Variants in EME1 observed in about 807,000 individuals in gnomAD.
The protein encoded by EME1 is structure-specific endonuclease subunit EME1.
A neutral mutation model predicts 59.1 loss-of-function variants in EME1; 61 were observed. That is an observed-to-expected ratio of 1.03 (90% CI 0.84 to 1.28). EME1 has a LOEUF of 1.28. Among genes scored for constraint, EME1 ranks in the 50% most tolerant of loss-of-function variants. The probability of loss-of-function intolerance (pLI) is 0.00; values close to 1 mark genes in which losing one functional copy is unlikely to be tolerated. For missense variants in EME1, 635 were observed against 682.6 expected (o/e 0.93, Z 0.78); for synonymous variants, 230 against 254.2 (o/e 0.90, Z 0.90).
chr17:50,376,700 G>GAAA (rs1287287076), intron 3 of EME1, among the ~76,000 whole-genome samples: 1 of 152,222 alleles, frequency 6.6e-6, no homozygotes, highest in African/African-American at 2.4e-5. Context: ...TCAGGAGAGA[G>GAAA]AAATGGAGAG....
Position 50,374,604 on chromosome 17 carries a change from C to CTG in EME1, c.-24-581_-24-580insTG, listed in dbSNP as rs964022961. Among the ~76,000 whole-genome samples the CTG allele has an allele frequency of 6.6e-5, 10 of 152,220 alleles. 1 individual carries two copies. The highest frequency in any genetic ancestry group is 2.2e-4 in the African/African-American group (9 of 41,548). Reference sequence around the variant, plus strand: ...CAGTGGTTCACACCTGTAATCTCAGCACTTTGGGAGGCCAAGGCGGGCGGA... The same window carrying CTG: ...CAGTGGTTCACACCTGTAATCTCAGCTGACTTTGGGAGGCCAAGGCGGGCGGA... On this transcript the variant is annotated intron_variant, in intron 1 of 8. Coordinates refer to ENST00000338165, the MANE Select transcript of EME1 (RefSeq NM_152463.4).
intron 3 of EME1, among the ~76,000 whole-genome samples, chr17:50,378,217 C>T (rs1913573683): frequency 6.6e-6 from 1 of 151,936 alleles, no homozygotes; most frequent in South Asian, 2.1e-4. Flanking sequence ...CAGGCACGTA[C>T]CGCCACACCC....
rs746936742 is a variant in EME1 at position 50,375,532 on chromosome 17, G to C, written c.324G>C (p.Lys108Asn). The C allele has an allele frequency of 5.0e-6, 8 of 1,613,730 alleles. No homozygotes were observed. The Admixed American group carries it at 1.0e-4, about 20-fold the overall frequency. The change falls in exon 2 of 9, where the codon AAG becomes AAC. Residue 108 changes from lysine (K) to asparagine (N), a missense_variant. By Grantham distance (94) the Lys-to-Asn change is moderately conservative. Coordinates refer to ENST00000338165, the MANE Select transcript of EME1 (RefSeq NM_152463.4). ...QRLTCKFLTH[K>N]QLSPEDSSSP... ...TTACATGTAAGTTTCTGACCCACAA[G>C]CAACTGAGCCCTGAGGACTCTAGCT...
chr17:50,375,799 G>A lies in EME1; in HGVS notation c.591G>A (p.Lys197=), dbSNP rs1352421001. The A allele has an allele frequency of 1.9e-6, 3 of 1,614,136 alleles. No homozygotes were observed. The South Asian group carries it at 3.3e-5, about 18-fold the overall frequency. ...ATTCTGACATCCTTCCACCCCAGAA[G>A]AAAACCAAGCCGAGTCAGAAGGTCC... is the stretch of plus-strand genomic sequence containing the variant. The part of the protein sequence containing the change: ...KTNSDILPPQ[K]KTKPSQKVQG... Residue 197 remains lysine, a synonymous_variant, in exon 2 of 9, where the codon AAG becomes AAA. Transcript: ENST00000338165.
chr17:50,377,089 A>G (rs1379312975), intron 3 of EME1, among the ~76,000 whole-genome samples: 2 of 152,168 alleles, frequency 1.3e-5, no homozygotes, highest in East Asian at 3.9e-4. Context: ...ATCTTGTATA[A>G]AATAAGAAAA....
rs186932275 is a variant in EME1 at position 50,373,260 on chromosome 17, T to G, written c.-42T>G. The G allele has an allele frequency of 2.2e-4, 340 of 1,577,322 alleles. 2 individuals are homozygous for G. In the African/African-American group the frequency reaches 3.8e-3, roughly 18 times the overall value. ...GGGCCCTGCGTGGCAGTTGAAAGAG[T>G]GGCGGGAGAAGTTGCAGGTGAGCGT... On this transcript the variant is annotated 5_prime_UTR_variant, in exon 1 of 9. Coordinates refer to ENST00000338165, the MANE Select transcript of EME1 (RefSeq NM_152463.4).
At chr17:50,379,247 A>T (rs1913652139) in intron 6 of EME1, 23 bp downstream of exon 6, 1 of 1,613,572 alleles carries the variant, frequency 6.2e-7, no homozygotes, top group South Asian at 1.1e-5. Context: ...TGTTGCCTGA[A>T]TCGGGCTGGG....
intron 3 of EME1, 86 bp from the exon 4 acceptor site, chr17:50,378,509 T>C: frequency 7.6e-7 from 1 of 1,307,604 alleles, no homozygotes; most frequent in South Asian, 1.2e-5. Flanking sequence ...AGTTAGTTCA[T>C]TCACCCAGAA....
rs144666368 is a variant in EME1 at position 50,375,811 on chromosome 17, G to C, written c.603G>C (p.Pro201=). 6.2e-7 allele frequency: 1 copy of C among 1,614,040 alleles called. No homozygotes were observed. Among genetic ancestry groups the C allele is most frequent in the Non-Finnish European group, 8.5e-7 (1 of 1,180,028 alleles). Residue 201 remains proline, a synonymous_variant, in exon 2 of 9, where the codon CCG becomes CCC. Transcript: ENST00000338165. The stretch of plus-strand genomic sequence containing the variant: ...TTCCACCCCAGAAGAAAACCAAGCC[G>C]AGTCAGAAGGTCCAGGGAAGAGGCT... ...DILPPQKKTK[P]SQKVQGRGSH... is the part of the protein sequence containing the mutation.
At chr17:50,376,834 C>T (rs1706392855) in intron 3 of EME1, among the ~76,000 whole-genome samples, 1 of 152,224 alleles carries the variant, frequency 6.6e-6, no homozygotes, top group African/African-American at 2.4e-5. Flanking sequence ...CACTAGTCCT[C>T]TCCTCGGGTC....
In EME1 at chr17:50,375,949, A is replaced by G; in HGVS notation, c.741A>G (p.Glu247=). The G allele has an allele frequency of 1.2e-6, 2 of 1,610,516 alleles. No homozygotes were observed. The highest frequency in any genetic ancestry group is 1.7e-6 in the Non-Finnish European group (2 of 1,178,204). ...GGATGAAAGCCCAGAGGCCAGAGGA[A>G]TGCTTAAAACACATCATTGTAGTGC... ...VTRMKAQRPE[E]CLKHIIVVLD... is the part of the protein sequence containing the mutation. Residue 247 remains glutamate (E), a synonymous_variant, in exon 2 of 9, where the codon GAA becomes GAG. Transcript: ENST00000338165.
chr17:50,376,187 G>A lies in EME1; in HGVS notation c.897G>A (p.Pro299=), dbSNP rs200170166. The A allele has an allele frequency of 9.5e-5, 154 of 1,612,730 alleles. No individual in the cohort carries two copies. The East Asian group carries it at 1.5e-3, about 16-fold the overall frequency. The change falls in exon 3 of 9, where the codon CCG becomes CCA. Residue 299 remains proline (P), a synonymous_variant. Coordinates refer to ENST00000338165, the MANE Select transcript of EME1 (RefSeq NM_152463.4). ...CSVTWRRRAG[P]SEDREDWVEE... ...TCACTTGGAGGAGAAGGGCTGGGCC[G>A]TCTGAGGTAGGAGTTTTCTGGCTGA...
rs1216736774 is a variant in EME1, at chr17:50,375,534, A to T, written c.326A>T (p.Gln109Leu). 5.0e-6 allele frequency: 8 copies of T among 1,614,000 alleles called. No individual in the cohort carries two copies. In the Admixed American group the frequency reaches 1.3e-4, roughly 27 times the overall value. The change falls in exon 2 of 9, where the codon CAA becomes CTA. Residue 109 changes from glutamine (Q) to leucine (L), a missense_variant. By Grantham distance (113) the Gln-to-Leu change is moderately radical. Transcript: ENST00000338165. ...ACATGTAAGTTTCTGACCCACAAGC[A>T]ACTGAGCCCTGAGGACTCTAGCTCC... ...RLTCKFLTHK[Q>L]LSPEDSSSPV...
chr17:50,380,676 C>T lies in EME1; in HGVS notation c.1537-87C>T, dbSNP rs935941197. 9 of 1,582,594 alleles carry T rather than the reference C, an allele frequency of 5.7e-6. No homozygotes were observed. The African/African-American group carries it at 1.2e-4, about 21-fold the overall frequency. ...AGGGAGGGAGGACAGGTTCTCATGC[C>T]CCAAGCCAAGCGTAGCACCCTCCAT... On this transcript the variant is annotated intron_variant, in intron 8 of 8. Transcript: ENST00000338165.
Position 50,375,558 on chromosome 17 carries a change from C to A in EME1, c.350C>A (p.Ser117Tyr), listed in dbSNP as rs1913413941. Reference protein sequence around the residue: ...HKQLSPEDSSSPVKSVLDHQN... With the variant: ...HKQLSPEDSSYPVKSVLDHQN... ...CAACTGAGCCCTGAGGACTCTAGCT[C>A]CCCAGTTAAAAGTGTTTTGGATCAT... Residue 117 changes from serine (S) to tyrosine (Y), a missense_variant, in exon 2 of 9, where the codon TCC becomes TAC. Coordinates refer to ENST00000338165, the MANE Select transcript of EME1 (RefSeq NM_152463.4). The A allele has an allele frequency of 1.2e-6, 2 of 1,614,032 alleles. No homozygotes were observed. Among genetic ancestry groups the A allele is most frequent in the South Asian group, 2.2e-5 (2 of 91,090 alleles).
In EME1 at chr17:50,380,852, T is replaced by C. The variant is rs757844794; in HGVS notation, c.1626T>C (p.Ser542=). Residue 542 remains serine, a synonymous_variant, in exon 9 of 9, where the codon TCT becomes TCC. Transcript: ENST00000338165. ...VRRGEGVTST[S]RRIGPELSRR... is the part of the protein sequence containing the mutation. ...GTGGGGAAGGTGTGACATCCACTTC[T>C]CGCCGCATTGGACCAGAACTATCCA... 1 of 1,614,190 alleles carries C rather than the reference T, an allele frequency of 6.2e-7. No individual in the cohort carries two copies. Among genetic ancestry groups the C allele is most frequent in the Non-Finnish European group, 8.5e-7 (1 of 1,180,028 alleles).
chr17:50,380,902 C>T lies in EME1; in HGVS notation c.1676C>T (p.Thr559Ile), dbSNP rs767817954. Residue 559 changes from threonine (T) to isoleucine (I), a missense_variant, in exon 9 of 9, where the codon ACT (threonine) becomes ATT (isoleucine). Transcript: ENST00000338165. ...LSRRIYLQMTTLQPHLSLDSA... is the reference protein window; with the variant it reads ...LSRRIYLQMTILQPHLSLDSA... ...AGGCGTATCTACCTTCAGATGACCA[C>T]TTTACAGCCACATCTCTCTTTAGAT... The T allele has an allele frequency of 1.2e-6, 2 of 1,614,216 alleles. No individual in the cohort carries two copies. The highest frequency in any genetic ancestry group is 2.2e-5 in the East Asian group (1 of 44,888).
In EME1 at chr17:50,375,738, C is replaced by G. The variant is rs776729035; in HGVS notation, c.530C>G (p.Pro177Arg). 18 of 1,614,050 alleles carry G rather than the reference C, an allele frequency of 1.1e-5. No homozygotes were observed. The highest frequency in any genetic ancestry group is 1.4e-5 in the Non-Finnish European group (16 of 1,180,054). The stretch of plus-strand genomic sequence containing the variant: ...CTTCCAGCCTACCTGTCTACCTGCC[C>G]TGGCCAGAGCAGCAGCTTGGCAGTA... ...CQLPAYLSTC[P>R]GQSSSLAVTK... The change falls in exon 2 of 9, where the codon CCT (proline) becomes CGT (arginine). Residue 177 changes from proline (P) to arginine (R), a missense_variant. Pro to Arg is a moderately radical substitution (Grantham distance 103). Transcript: ENST00000338165.
chr17:50,377,203 C>G (rs553888496), intron 3 of EME1, among the ~76,000 whole-genome samples: 1 of 152,182 alleles, frequency 6.6e-6, no homozygotes, highest in South Asian at 2.1e-4. Context: ...ATTAGCAAGC[C>G]TTTATATTCA....
Sources: allele counts gnomAD v4.1 joint callset (sites outside exome capture counted in the v4.1 genomes callset), GRCh38; gene constraint gnomAD v4.1.1; transcripts MANE v1.5; gene names NCBI Gene and HGNC (gene_info 2026-07-23, HGNC 2026-07-21).